Variants in CLUL1 observed in about 807,000 individuals in gnomAD.
CLUL1 encodes the protein clusterin-like protein 1.
Under a neutral mutation model 49.4 loss-of-function variants are expected in CLUL1, and 43 were observed. The ratio of observed to expected loss-of-function variants is 0.87; its 90% CI spans 0.68 to 1.12. CLUL1 has a LOEUF of 1.12. Ranked by LOEUF, CLUL1 falls within the 50% of genes most tolerant of loss-of-function variation. The pLI is 0.00. For synonymous variants in CLUL1, 192 were observed against 184.9 expected (o/e 1.04, Z -0.31); for missense variants, 486 against 544.4 (o/e 0.89, Z 1.07).
chr18:641,214 C>G, intron 7 of CLUL1, 113 bp from the exon 8 acceptor site: 1 of 794,788 alleles, frequency 1.3e-6, no homozygotes, highest in Non-Finnish European at 2.0e-6. Flanking sequence ...CTAAAAACTA[C>G]CACAGGCAAA....
chr18:597,697 G>A (rs1324811942), intron 1 of CLUL1: 2 of 152,244 alleles, frequency 1.3e-5, no homozygotes, highest in South Asian at 2.1e-4. Flanking sequence ...AACACAGTGA[G>A]ATTCTGTCTC....
chr18:607,603 T>G (rs1434126649), intron 2 of CLUL1, among the ~76,000 whole-genome samples: 2 of 152,226 alleles, frequency 1.3e-5, no homozygotes, highest in South Asian at 2.1e-4. Context: ...TTTTTAAAAT[T>G]TTTTTGTAGA....
chr18:617,961 T>C lies in CLUL1; in HGVS notation c.-13-27T>C, dbSNP rs761269027. 7.6e-6 allele frequency: 12 copies of C among 1,587,594 alleles called. No homozygotes were observed. The East Asian group carries it at 2.7e-4, about 35-fold the overall frequency. On this transcript the variant is annotated intron_variant, in intron 2 of 9. Transcript: ENST00000692774. ...AGAAACTAACCAAATGGAAGACATT[T>C]GATGCGGGTTTATTTTTCCTTTGCA... is the stretch of plus-strand genomic sequence containing the variant.
At chr18:626,121 T>A (rs1238021407) in intron 5 of CLUL1, among the ~76,000 whole-genome samples, 1 of 152,140 alleles carries the variant, frequency 6.6e-6, no homozygotes, top group Non-Finnish European at 1.5e-5. Flanking sequence ...TTTTCTTTAT[T>A]TTTTTTCATG....
At chr18:633,197 G>T (rs978803705) in intron 6 of CLUL1, 101 bp from the exon 7 acceptor site, 5 of 945,304 alleles carry the variant, frequency 5.3e-6, no homozygotes, top group Non-Finnish European at 7.8e-6. Flanking sequence ...ATAGGAAAAA[G>T]ATTTTGAAAG....
intron 9 of CLUL1, among the ~76,000 whole-genome samples, chr18:647,647 A>G (rs1358122101): frequency 2.0e-5 from 3 of 152,324 alleles, no homozygotes; most frequent in African/African-American, 4.8e-5. Flanking sequence ...CCTCTAGACC[A>G]GGAGAGAGGA....
chr18:611,923 C>T (rs989492035), intron 2 of CLUL1, among the ~76,000 whole-genome samples: 18 of 152,130 alleles, frequency 1.2e-4, no homozygotes, highest in African/African-American at 3.4e-4. Context: ...CACTCTGCCC[C>T]GGCCTTTCTC....
chr18:615,135 A>G (rs1217423753), intron 2 of CLUL1, among the ~76,000 whole-genome samples: 1 of 152,214 alleles, frequency 6.6e-6, no homozygotes, highest in Non-Finnish European at 1.5e-5. Context: ...ATATTTTGTA[A>G]TCCCCTTAAA....
chr18:630,793 T>C (rs960518521), intron 6 of CLUL1, among the ~76,000 whole-genome samples: 10 of 148,676 alleles, frequency 6.7e-5, no homozygotes, highest in Non-Finnish European at 1.5e-4. Flanking sequence ...TTCAAGCGAT[T>C]CTCCTGCCTC....
chr18:622,295 A>G (rs1200188124), intron 4 of CLUL1, among the ~76,000 whole-genome samples: 1 of 152,100 alleles, frequency 6.6e-6, no homozygotes, highest in Non-Finnish European at 1.5e-5. Flanking sequence ...AGAAGGTTAG[A>G]GTGACTTGAC....
intron 7 of CLUL1, among the ~76,000 whole-genome samples, chr18:635,441 A>G (rs2074109223): frequency 6.6e-6 from 1 of 152,110 alleles, no homozygotes; most frequent in Non-Finnish European, 1.5e-5. Flanking sequence ...CGTTCCTAAG[A>G]GGCTACAGGC....
chr18:615,536 T>C (rs2073262089), intron 2 of CLUL1, among the ~76,000 whole-genome samples: 1 of 152,280 alleles, frequency 6.6e-6, no homozygotes, highest in African/African-American at 2.4e-5. Context: ...TGAGCAATGG[T>C]GCACAGAGTC....
chr18:639,499 C>T (rs1437848053), intron 7 of CLUL1, among the ~76,000 whole-genome samples: 1 of 149,394 alleles, frequency 6.7e-6, no homozygotes, highest in Admixed American at 6.7e-5. Context: ...GGTGCGGTGG[C>T]TCATGCCTGT....
rs755848244 is a variant in CLUL1, at chr18:645,094, C to A, written c.1394C>A (p.Thr465Asn). The change falls in exon 9 of 10, where the codon ACC (threonine) becomes AAC (asparagine). Residue 465 changes from threonine to asparagine, a missense_variant. Physicochemically the swap from Thr to Asn is moderately conservative, Grantham distance 65. Coordinates refer to ENST00000692774, the MANE Select transcript of CLUL1 (RefSeq NM_001393344.1). ...ALQHFKEHFK[T>N]W ...CAGCATTTTAAGGAACATTTTAAAA[C>A]CTGGTAAGCAGAGTGCCTGGTTAGG... The A allele has an allele frequency of 4.7e-5, 75 of 1,595,066 alleles. No individual in the cohort carries two copies. Among genetic ancestry groups the A allele is most frequent in the Non-Finnish European group, 5.9e-5 (69 of 1,171,636 alleles).
In CLUL1 at chr18:619,293, A is replaced by G. The variant is rs1295962396; in HGVS notation, c.187A>G (p.Met63Val). The change falls in exon 4 of 10, where the codon ATG (methionine) becomes GTG (valine). Residue 63 changes from methionine (M) to valine (V), a missense_variant. By Grantham distance (21) the Met-to-Val change is conservative. Coordinates refer to ENST00000692774, the MANE Select transcript of CLUL1 (RefSeq NM_001393344.1). ...LTGIKQMKIMMERKEKEHTNL... is the reference protein window; with the variant it reads ...LTGIKQMKIMVERKEKEHTNL... ...TGGTATTAAGCAAATGAAAATCATG[A>G]TGGAAAGAAAAGAGAAGGAACACAC... 1 of 1,614,118 alleles carries G rather than the reference A, an allele frequency of 6.2e-7. No individual in the cohort carries two copies. Among genetic ancestry groups the G allele is most frequent in the East Asian group, 2.2e-5 (1 of 44,870 alleles).
chr18:647,159 G>T (rs189001369), intron 9 of CLUL1, among the ~76,000 whole-genome samples: 1 of 152,130 alleles, frequency 6.6e-6, no homozygotes, highest in African/African-American at 2.4e-5. Flanking sequence ...CCAAAAGGGG[G>T]GATGGCATGG....
chr18:610,713 G>T (rs79400759), intron 2 of CLUL1, among the ~76,000 whole-genome samples: 1 of 152,072 alleles, frequency 6.6e-6, no homozygotes, highest in South Asian at 2.1e-4. Flanking sequence ...CACATAGTAC[G>T]TAGTAGACAC....
rs562150584 is a variant in CLUL1, at chr18:635,801, A to T, written c.994+2366A>T. The stretch of plus-strand genomic sequence containing the variant: ...GCCCAGGCTGGAGTGCAGTGGCGCG[A>T]TCTTCGCTCACTGAAACCTCTACCT... On this transcript the variant is annotated intron_variant, in intron 7 of 9. Coordinates refer to ENST00000692774, the MANE Select transcript of CLUL1 (RefSeq NM_001393344.1). Among the ~76,000 whole-genome samples the T allele has an allele frequency of 2.0e-5, 3 of 152,258 alleles. No homozygotes were observed. The South Asian group carries it at 6.2e-4, about 32-fold the overall frequency.
intron 2 of CLUL1, chr18:616,878 CTAGTT>C (rs2073307159): frequency 6.3e-6 from 1 of 159,638 alleles, no homozygotes; most frequent in Non-Finnish European, 1.3e-5. Flanking sequence ...AGTACAGTTG[CTAGTT>C]TACGACTGTA....
Sources: allele counts gnomAD v4.1 joint callset (sites outside exome capture counted in the v4.1 genomes callset), GRCh38; gene constraint gnomAD v4.1.1; transcripts MANE v1.5; gene names NCBI Gene and HGNC (gene_info 2026-07-23, HGNC 2026-07-21).